Variants in LNX2 observed in about 807,000 individuals in gnomAD.
The protein encoded by LNX2 is ligand of numb-protein X 2, also known as ligand of Numb protein X 2.
A neutral mutation model predicts 66.2 loss-of-function variants in LNX2; 35 were observed. The observed-to-expected ratio is 0.53, with a 90% confidence interval of 0.40 to 0.70. The LOEUF is 0.70. Ranked by LOEUF, LNX2 falls within the 30% of genes least tolerant of loss-of-function variation. The probability of loss-of-function intolerance (pLI) is 0.00; values close to 1 mark genes in which losing one functional copy is unlikely to be tolerated. For synonymous variants in LNX2, 337 were observed against 315.6 expected, an observed-to-expected ratio of 1.07 and a Z score of -0.72; for missense variants, 791 against 850.8, an observed-to-expected ratio of 0.93 and a Z score of 0.87.
At chr13:27,582,275 A>G (rs546426565) in intron 1 of LNX2, among the ~76,000 whole-genome samples, 53 of 152,234 alleles carry the variant, frequency 3.5e-4, no homozygotes, top group African/African-American at 1.3e-3. Flanking sequence ...GACTCAAGCA[A>G]TCAGCCCTCC....
At chr13:27,596,399 A>T (rs1032955248) in intron 1 of LNX2, among the ~76,000 whole-genome samples, 20 of 152,310 alleles carry the variant, frequency 1.3e-4, no homozygotes, top group African/African-American at 4.8e-4. Context: ...AATTGTTTAC[A>T]GATTCATCAT....
intron 1 of LNX2, among the ~76,000 whole-genome samples, chr13:27,613,626 G>A (rs1404505055): frequency 6.6e-6 from 1 of 152,060 alleles, no homozygotes; most frequent in Non-Finnish European, 1.5e-5. Flanking sequence ...AAATTATCTG[G>A]GTGTGGTGGC....
At chr13:27,564,592 T>C (rs1400973378) in intron 4 of LNX2, among the ~76,000 whole-genome samples, 2 of 152,156 alleles carry the variant, frequency 1.3e-5, no homozygotes, top group Non-Finnish European at 2.9e-5. Flanking sequence ...TCTAACAGCA[T>C]ATGGTTCTCC....
rs1954940416 is a variant in LNX2, at chr13:27,546,477, T to A, written c.*1858A>T. 6.6e-6 allele frequency: 1 copy of A among 152,196 alleles called. No homozygotes were observed. The highest frequency in any genetic ancestry group is 1.5e-5 in the Non-Finnish European group (1 of 68,034). The allele number at this position is 152,196 out of a possible 1,614,324, so 9.4% of individuals were successfully genotyped here. Reference sequence around the variant, plus strand: ...ATACTGTATGGGCCATTCCACTGTATCTTGTTATATGTTGATCATACAGTG... The same window carrying A: ...ATACTGTATGGGCCATTCCACTGTAACTTGTTATATGTTGATCATACAGTG... On this transcript the variant is annotated 3_prime_UTR_variant, in exon 10 of 10. Coordinates refer to ENST00000316334, the MANE Select transcript of LNX2 (RefSeq NM_153371.4).
intron 1 of LNX2, among the ~76,000 whole-genome samples, chr13:27,607,277 G>T (rs1158633950): frequency 6.6e-6 from 1 of 152,168 alleles, no homozygotes; most frequent in African/African-American, 2.4e-5. Context: ...TGCTGCTTAA[G>T]GGAAATCTAC....
At chr13:27,573,443 T>TA (rs60543818) in intron 2 of LNX2, among the ~76,000 whole-genome samples, 10,228 of 146,782 alleles carry the variant, frequency 0.07, 375 homozygotes, top group South Asian at 0.14. Context: ...AAGCATTGGT[T>TA]AAAAAAAAAA....
In LNX2 at chr13:27,569,034, G is replaced by A. The variant is rs1955241768; in HGVS notation, c.650C>T (p.Ala217Val). The change falls in exon 3 of 10, where the codon GCT becomes GTT. Residue 217 changes from alanine (A) to valine (V), a missense_variant. By Grantham distance (64) the Ala-to-Val change is moderately conservative (BLOSUM62 0). Transcript: ENST00000316334. Reference sequence around the variant, plus strand: ...AGGAGTTGCACCACACATACTGTCAGCTCCAGCGCTCTCCTCAAAGGCAGG... The same window carrying A: ...AGGAGTTGCACCACACATACTGTCAACTCCAGCGCTCTCCTCAAAGGCAGG... The part of the protein sequence containing the change: ...DNPAFEESAG[A>V]DTTQQPLSLP... 3.1e-6 allele frequency: 5 copies of A among 1,612,500 alleles called. No individual in the cohort carries two copies. The South Asian group carries it at 5.5e-5, about 18-fold the overall frequency.
At chr13:27,579,351 T>C (rs1955374413) in intron 2 of LNX2, among the ~76,000 whole-genome samples, 1 of 152,208 alleles carries the variant, frequency 6.6e-6, no homozygotes, top group Admixed American at 6.5e-5. Context: ...TAGCTGTCTG[T>C]ATCAGGCAAA....
Position 27,569,010 on chromosome 13 carries a change from G to T in LNX2, c.655+19C>A, listed in dbSNP as rs771040307. ...AAGGAAATAGAGATGAAATACACAA[G>T]GAGTTGCACCACACATACTGTCAGC... On this transcript the variant is annotated intron_variant, in intron 3 of 9. Transcript: ENST00000316334. 5.7e-6 allele frequency: 9 copies of T among 1,588,392 alleles called. No homozygotes were observed. The Admixed American group carries it at 7.4e-5, about 13-fold the overall frequency.
At chr13:27,569,403 T>G in intron 2 of LNX2, 127 bp from the exon 3 acceptor site, 5 of 940,078 alleles carry the variant, frequency 5.3e-6, no homozygotes. Flanking sequence ...AGGCAGCACA[T>G]AGTTCTGATC....
At chr13:27,561,903 C>T (rs1955140100) in intron 5 of LNX2, among the ~76,000 whole-genome samples, 1 of 152,174 alleles carries the variant, frequency 6.6e-6, no homozygotes, top group South Asian at 2.1e-4. Flanking sequence ...TTACTTATGT[C>T]ACAAAGATGC....
At chr13:27,596,597 T>G (rs898107827) in intron 1 of LNX2, among the ~76,000 whole-genome samples, 1 of 152,212 alleles carries the variant, frequency 6.6e-6, no homozygotes, top group African/African-American at 2.4e-5. Context: ...TCTCTTTTTC[T>G]TCATTCTTCC....
intron 1 of LNX2, among the ~76,000 whole-genome samples, chr13:27,608,323 A>G (rs1468716618): frequency 6.6e-6 from 1 of 152,248 alleles, no homozygotes; most frequent in Non-Finnish European, 1.5e-5. Flanking sequence ...ATTATAATCT[A>G]GACTAGATTT....
At chr13:27,583,842 G>A (rs1398555051) in intron 1 of LNX2, among the ~76,000 whole-genome samples, 1 of 152,202 alleles carries the variant, frequency 6.6e-6, no homozygotes, top group East Asian at 1.9e-4. Flanking sequence ...GTTATGCACA[G>A]GGTGTTACGT....
intron 1 of LNX2, among the ~76,000 whole-genome samples, chr13:27,585,754 T>C (rs112082001): frequency 6.6e-6 from 1 of 151,900 alleles, no homozygotes; most frequent in African/African-American, 2.4e-5. Flanking sequence ...TACCCCTCTT[T>C]GTGATAGTGT....
intron 2 of LNX2, among the ~76,000 whole-genome samples, chr13:27,574,729 G>T (rs555654580): frequency 5.9e-5 from 9 of 152,240 alleles, no homozygotes; most frequent in African/African-American, 2.2e-4. Flanking sequence ...ACTCCAAGTA[G>T]GAAAACCACA....
At chr13:27,607,455 A>G (rs761377247) in intron 1 of LNX2, among the ~76,000 whole-genome samples, 2 of 152,258 alleles carry the variant, frequency 1.3e-5, no homozygotes, top group Non-Finnish European at 2.9e-5. Flanking sequence ...TTATAAGGTA[A>G]CACAGATGAC....
At chr13:27,552,316 C>A (rs944251773) in intron 8 of LNX2, among the ~76,000 whole-genome samples, 1 of 152,322 alleles carries the variant, frequency 6.6e-6, no homozygotes, top group South Asian at 2.1e-4. Context: ...CCAGCCACTG[C>A]ACGAGTAGAC....
At chr13:27,587,229 C>A (rs995579091) in intron 1 of LNX2, among the ~76,000 whole-genome samples, 11 of 151,942 alleles carry the variant, frequency 7.2e-5, no homozygotes, top group Admixed American at 3.9e-4. Context: ...TCCCCCTGGC[C>A]CATCCTTCTC....
Sources: allele counts gnomAD v4.1 joint callset (sites outside exome capture counted in the v4.1 genomes callset), GRCh38; gene constraint gnomAD v4.1.1; transcripts MANE v1.5; gene names NCBI Gene and HGNC (gene_info 2026-07-23, HGNC 2026-07-21).